The following FYB1 variants were observed in gnomAD, a reference collection of about 807,000 sequenced individuals.
FYB1 encodes FYN-binding protein 1.
Under a neutral mutation model 94.1 loss-of-function variants are expected in FYB1, and 41 were observed. The ratio of observed to expected loss-of-function variants is 0.44; its 90% CI spans 0.34 to 0.57. The LOEUF (loss-of-function observed/expected upper bound fraction) is 0.57, where lower values mean the gene tolerates loss of function less well. Among genes scored for constraint, FYB1 ranks in the 20% least tolerant of loss-of-function variants. The pLI, the probability that FYB1 is intolerant of heterozygous loss-of-function variation, is 0.02. For missense variants in FYB1, 1,050 were observed against 976.8 expected, an observed-to-expected ratio of 1.07 and a Z score of -1.00; for synonymous variants, 367 against 353.2, an observed-to-expected ratio of 1.04 and a Z score of -0.44.
intron 2 of FYB1, among the ~76,000 whole-genome samples, chr5:39,185,893 C>A (rs974955328): frequency 6.6e-6 from 1 of 151,956 alleles, no homozygotes; most frequent in Non-Finnish European, 1.5e-5. Context: ...CAGGGACAGC[C>A]GGGCACTTTT....
At chr5:39,194,299 T>C (rs1226041736) in intron 2 of FYB1, among the ~76,000 whole-genome samples, 2 of 152,058 alleles carry the variant, frequency 1.3e-5, no homozygotes, top group Non-Finnish European at 1.5e-5. Flanking sequence ...GGCAGGAGGA[T>C]TGTTTGAGGC....
chr5:39,256,440 T>C (rs996391418), intron 1 of FYB1, among the ~76,000 whole-genome samples: 1 of 152,130 alleles, frequency 6.6e-6, no homozygotes, highest in South Asian at 2.1e-4. Context: ...ACGTACGGGT[T>C]TTCATGCCGA....
chr5:39,155,427 G>T (rs1259186554), intron 2 of FYB1, among the ~76,000 whole-genome samples: 1 of 152,192 alleles, frequency 6.6e-6, no homozygotes, highest in Non-Finnish European at 1.5e-5. Context: ...GACAGAATTA[G>T]TTCCCCTATA....
chr5:39,161,870 C>G (rs929405924), intron 2 of FYB1, among the ~76,000 whole-genome samples: 1 of 152,210 alleles, frequency 6.6e-6, no homozygotes, highest in Non-Finnish European at 1.5e-5. Flanking sequence ...AACCTTGCTG[C>G]CATAGGCAGC....
intron 2 of FYB1, among the ~76,000 whole-genome samples, chr5:39,200,250 C>T (rs1471230113): frequency 6.6e-6 from 1 of 152,174 alleles, no homozygotes; most frequent in African/African-American, 2.4e-5. Context: ...CAGACCTTGT[C>T]AGGCCTTCAG....
intron 2 of FYB1, among the ~76,000 whole-genome samples, chr5:39,168,631 T>C (rs1744957064): frequency 6.6e-6 from 1 of 152,166 alleles, no homozygotes; most frequent in Non-Finnish European, 1.5e-5. Flanking sequence ...AATGCCAGGT[T>C]TTACAGCTTC....
chr5:39,185,837 T>C (rs776795765), intron 2 of FYB1, among the ~76,000 whole-genome samples: 71 of 152,026 alleles, frequency 4.7e-4, no homozygotes, highest in Non-Finnish European at 9.1e-4. Flanking sequence ...ATGGAGAATA[T>C]TGGGAGCAGG....
chr5:39,229,504 G>A (rs983653727), intron 1 of FYB1, among the ~76,000 whole-genome samples: 10 of 152,102 alleles, frequency 6.6e-5, no homozygotes, highest in South Asian at 2.1e-4. Flanking sequence ...TGACCAAGGC[G>A]GGTGAGTTGG....
intron 7 of FYB1, among the ~76,000 whole-genome samples, chr5:39,136,812 T>TA (rs1333261140): frequency 6.6e-6 from 1 of 152,178 alleles, no homozygotes; most frequent in Non-Finnish European, 1.5e-5. Context: ...TTGAACCACA[T>TA]ATTAAATGCT....
Position 39,153,565 on chromosome 5 carries a change from A to G in FYB1, c.1175T>C (p.Leu392Pro). The G allele has an allele frequency of 1.2e-6, 2 of 1,613,844 alleles. No individual in the cohort carries two copies. The highest frequency in any genetic ancestry group is 1.7e-6 in the Non-Finnish European group (2 of 1,179,842). ...CGGATGGGATGGTGGAGGTGGTGGCAGGGAAGTTGTTGAGTAAGACGTCTG... is the reference window on the plus strand; with the variant it reads ...CGGATGGGATGGTGGAGGTGGTGGCGGGGAAGTTGTTGAGTAAGACGTCTG... ...KGQTSYSTTS[L>P]PPPPPSHPAS... is the part of the protein sequence containing the mutation. Residue 392 changes from leucine to proline, a missense_variant, in exon 3 of 19, where the codon CTG (leucine) becomes CCG (proline). Leu to Pro is a moderately conservative substitution (Grantham distance 98). Transcript: ENST00000512982.
At chr5:39,181,302 T>C (rs904196479) in intron 2 of FYB1, among the ~76,000 whole-genome samples, 42 of 152,232 alleles carry the variant, frequency 2.8e-4, no homozygotes, top group African/African-American at 9.6e-4. Flanking sequence ...AGTATACTTA[T>C]ATACTGTAGC....
At chr5:39,166,942 C>T (rs1394768493) in intron 2 of FYB1, among the ~76,000 whole-genome samples, 1 of 151,930 alleles carries the variant, frequency 6.6e-6, no homozygotes, top group East Asian at 1.9e-4. Flanking sequence ...TGCACTTTAT[C>T]CCTTAAATTT....
At chr5:39,173,578 C>G (rs535175858) in intron 2 of FYB1, among the ~76,000 whole-genome samples, 33 of 152,204 alleles carry the variant, frequency 2.2e-4, no homozygotes, top group African/African-American at 7.0e-4. Flanking sequence ...AGTTTGAGAT[C>G]TTATATTTAA....
At chr5:39,165,002 T>A (rs1241884884) in intron 2 of FYB1, among the ~76,000 whole-genome samples, 1 of 152,210 alleles carries the variant, frequency 6.6e-6, no homozygotes, top group Non-Finnish European at 1.5e-5. Context: ...GGAGATAAAG[T>A]GACTATGACT....
At chr5:39,178,462 G>A (rs1010487871) in intron 2 of FYB1, among the ~76,000 whole-genome samples, 5 of 152,112 alleles carry the variant, frequency 3.3e-5, no homozygotes, top group South Asian at 2.1e-4. Context: ...CTCTATAGTC[G>A]TCAAAATGCC....
chr5:39,142,431 C>T (rs1006084759), intron 3 of FYB1, among the ~76,000 whole-genome samples: 7 of 152,192 alleles, frequency 4.6e-5, no homozygotes, highest in Admixed American at 1.3e-4. Flanking sequence ...TCTCTCTACT[C>T]TCTGCACCTG....
chr5:39,223,754 T>C (rs968280308), upstream of FYB1, among the ~76,000 whole-genome samples: 3 of 152,172 alleles, frequency 2.0e-5, no homozygotes, highest in African/African-American at 4.8e-5. Flanking sequence ...TACAAGGAGA[T>C]AAAACCCTAG....
chr5:39,127,550 C>A (rs369750558), intron 11 of FYB1, among the ~76,000 whole-genome samples, 191 bp downstream of exon 11: 1 of 151,248 alleles, frequency 6.6e-6, no homozygotes, highest in South Asian at 2.1e-4. Flanking sequence ...TCCAAACAAT[C>A]AAACACTTCG....
chr5:39,265,245 G>A (rs577622228), intron 1 of FYB1, among the ~76,000 whole-genome samples: 79 of 152,274 alleles, frequency 5.2e-4, no homozygotes, highest in Non-Finnish European at 6.9e-4. Flanking sequence ...ATTCTGGGAG[G>A]CCGAGGCAGG....
Sources: allele counts gnomAD v4.1 joint callset (sites outside exome capture counted in the v4.1 genomes callset), GRCh38; gene constraint gnomAD v4.1.1; transcripts MANE v1.5; gene names NCBI Gene and HGNC (gene_info 2026-07-23, HGNC 2026-07-21).